Variants in CROCC observed in about 807,000 individuals in gnomAD.
CROCC encodes the protein rootletin.
In CROCC, 180 loss-of-function variants were observed where a neutral mutation model predicts 245.2. The observed-to-expected ratio is 0.73, with a 90% confidence interval of 0.65 to 0.83. The LOEUF (loss-of-function observed/expected upper bound fraction) is 0.83, where lower values mean the gene tolerates loss of function less well. CROCC is among the 40% of genes least tolerant of loss of function. CROCC has a pLI of 0.00. For synonymous variants in CROCC, 1,205 were observed against 1,241.6 expected (o/e 0.97, Z 0.62); for missense variants, 2,688 against 2,779.4 (o/e 0.97, Z 0.74).
In CROCC at chr1:16,969,438, G is replaced by A. The variant is rs552001939; in HGVS notation, c.5301+98G>A. 1.1e-5 allele frequency: 13 copies of A among 1,230,174 alleles called. No individual in the cohort carries two copies. In the African/African-American group the frequency reaches 2.0e-4, roughly 19 times the overall value. The allele number at this position is 1,230,174 out of a possible 1,614,324, so 76.2% of individuals were successfully genotyped here. Reference sequence around the variant, plus strand: ...GCCCTGGTAGAGAGCCAGCCAATGGGGCAGTCAGTTGGAGCCAATGAGAGC... The same window carrying A: ...GCCCTGGTAGAGAGCCAGCCAATGGAGCAGTCAGTTGGAGCCAATGAGAGC... On this transcript the variant is annotated intron_variant, in intron 32 of 36. Transcript: ENST00000375541.
chr1:16,948,948 G>C (rs1258394139), intron 19 of CROCC, 22 bp downstream of exon 19: 5 of 1,609,604 alleles, frequency 3.1e-6, no homozygotes, highest in South Asian at 1.1e-5. Flanking sequence ...TGGGGACTTG[G>C]GGGGAACACC....
chr1:16,957,412 A>G (rs2076265653), intron 25 of CROCC, among the ~76,000 whole-genome samples: 1 of 152,124 alleles, frequency 6.6e-6, no homozygotes, highest in Admixed American at 6.6e-5. Flanking sequence ...GACTCTAAAA[A>G]AAGTTTTTAA....
At chr1:16,939,377 C>A (rs2075870017) in intron 12 of CROCC, among the ~76,000 whole-genome samples, 1 of 152,334 alleles carries the variant, frequency 6.6e-6, no homozygotes, top group South Asian at 2.1e-4. Flanking sequence ...GGTGCTTGGG[C>A]AGCTGGGGGT....
intron 9 of CROCC, among the ~76,000 whole-genome samples, 180 bp downstream of exon 9, chr1:16,937,053 C>G (rs539734306): frequency 1.3e-5 from 2 of 152,408 alleles, no homozygotes; most frequent in East Asian, 1.9e-4. Context: ...AACAGCTTAG[C>G]CTCCTATGGC....
intron 26 of CROCC, among the ~76,000 whole-genome samples, chr1:16,959,138 T>A (rs2076291720): frequency 6.6e-6 from 1 of 152,220 alleles, no homozygotes; most frequent in Admixed American, 6.5e-5. Context: ...TTCTTCTGCC[T>A]CAGCCTCCCG....
At chr1:16,970,489 T>G in intron 34 of CROCC, 36 bp downstream of exon 34, 2 of 1,527,238 alleles carry the variant, frequency 1.3e-6, no homozygotes, top group Non-Finnish European at 1.8e-6. Context: ...TCACTTCCTC[T>G]GGGGCCTAAC....
At chr1:16,931,453 C>T (rs2075676310) in intron 8 of CROCC, 56 bp downstream of exon 8, 20 of 1,464,548 alleles carry the variant, frequency 1.4e-5, no homozygotes, top group Non-Finnish European at 1.9e-5. Flanking sequence ...CTCTTTATGT[C>T]CAACTGAACT....
intron 33 of CROCC, 84 bp from the exon 34 acceptor site, chr1:16,970,169 G>A (rs945286109): frequency 3.7e-5 from 51 of 1,378,920 alleles, no homozygotes; most frequent in Non-Finnish European, 4.5e-5. Flanking sequence ...TGCTCTGTGA[G>A]TGGGCCAGCC....
intron 17 of CROCC, 37 bp from the exon 18 acceptor site, chr1:16,948,294 C>A: frequency 2.0e-6 from 3 of 1,509,574 alleles, no homozygotes; most frequent in South Asian, 1.3e-5. Context: ...AGCTGGGGGA[C>A]GCTGGGAGTG....
rs965961852 is a variant in CROCC, at chr1:16,950,868, C to T, written c.2837-85C>T. ...AGGCCCTCTGCCTCTGGGATTTTGC[C>T]CATGTGGCTCACCTGGCCTAAGTCT... On this transcript the variant is annotated intron_variant, in intron 19 of 36. Transcript: ENST00000375541. 4 of 1,243,616 alleles carry T rather than the reference C, an allele frequency of 3.2e-6. No homozygotes were observed. The African/African-American group carries it at 6.1e-5, about 19-fold the overall frequency. 77.0% of individuals were successfully genotyped at this position (1,243,616 alleles called of 1,614,324 possible). A position where few individuals can be genotyped will look rare whatever the true frequency, so the allele number is the denominator to read the frequency against.
At chr1:16,915,119 G>T (rs563579852) in intron 1 of CROCC, among the ~76,000 whole-genome samples, 2 of 152,384 alleles carry the variant, frequency 1.3e-5, no homozygotes, top group South Asian at 4.1e-4. Context: ...AGTGGCCCCT[G>T]TGGGGGTCAC....
upstream of CROCC, among the ~76,000 whole-genome samples, chr1:16,920,394 T>C (rs1470195426): frequency 1.3e-5 from 2 of 152,242 alleles, no homozygotes; most frequent in African/African-American, 2.4e-5. Flanking sequence ...GGTTTCACTA[T>C]GTTGGCCAGG....
At position 16,960,865 on chromosome 1, in the gene CROCC, G is replaced by C; in HGVS notation, c.4140G>C (p.Gln1380His). 6.6e-6 allele frequency: 10 copies of C among 1,517,602 alleles called. No homozygotes were observed. The highest frequency in any genetic ancestry group is 7.9e-6 in the Non-Finnish European group (9 of 1,139,312). The allele number at this position is 1,517,602 out of a possible 1,614,324, so 94.0% of individuals were successfully genotyped here. A position where few individuals can be genotyped will look rare whatever the true frequency, so the allele number is the denominator to read the frequency against. ...LEEARGTEKQ[Q>H]LDHARGLELK... ...AGGCGCGTGGCACTGAAAAGCAGCA[G>C]CTGGACCACGCCCGCGGCCTGGAGC... The change falls in exon 27 of 37, where the codon CAG becomes CAC. Residue 1380 changes from glutamine (Q) to histidine (H), a missense_variant. Coordinates refer to ENST00000375541, the MANE Select transcript of CROCC (RefSeq NM_014675.5).
chr1:16,937,773 A>G (rs773191019), intron 10 of CROCC, 36 bp downstream of exon 10: 94 of 1,552,156 alleles, frequency 6.1e-5, no homozygotes, highest in Admixed American at 4.8e-4. Flanking sequence ...GGGCAGGGTG[A>G]GATGGGGTAC....
In CROCC at chr1:16,946,733, C is replaced by G. The variant is rs143466360; in HGVS notation, c.2284-28C>G. Reference sequence around the variant, plus strand: ...GGTCCTGGGAGGGACGCCCTGCTCACGAGGCCCCACTCCTACCTGGCCTCC... The same window carrying G: ...GGTCCTGGGAGGGACGCCCTGCTCAGGAGGCCCCACTCCTACCTGGCCTCC... On this transcript the variant is annotated intron_variant, in intron 16 of 36. Coordinates refer to ENST00000375541, the MANE Select transcript of CROCC (RefSeq NM_014675.5). 22 of 1,545,776 alleles carry G rather than the reference C, an allele frequency of 1.4e-5. No individual in the cohort carries two copies. The South Asian group carries it at 2.1e-4, about 15-fold the overall frequency.
At chr1:16,933,514 TTGTTTGA>T (rs1243000423) in intron 8 of CROCC, among the ~76,000 whole-genome samples, 3 of 152,278 alleles carry the variant, frequency 2.0e-5, no homozygotes, top group Non-Finnish European at 4.4e-5. Context: ...TCTTTACAAT[TTGTTTGA>T]ATCTCGATCC....
rs201476640 is a variant in CROCC at position 16,940,006 on chromosome 1, G to A, written c.1721G>A (p.Arg574Gln). 1.2e-4 allele frequency: 193 copies of A among 1,611,924 alleles called. 1 individual carries two copies. The highest frequency in any genetic ancestry group is 4.0e-4 in the East Asian group (18 of 44,884). Residue 574 changes from arginine to glutamine, a missense_variant, in exon 13 of 37, where the codon CGG becomes CAG. Transcript: ENST00000375541. ...RALEEQLQRLRDKTDGAMQAH... is the reference protein window; with the variant it reads ...RALEEQLQRLQDKTDGAMQAH... ...CTAGAGGAACAGCTGCAGCGCCTGC[G>A]GGACAAGACCGACGGCGCCATGCAG...
rs1445986080 is a variant in CROCC at position 16,954,762 on chromosome 1, T to C, written c.3350T>C (p.Leu1117Pro). ...RSTVNALTSE[L>P]RDLRAQREEA... ...ACCGTGAACGCTCTGACGTCTGAGC[T>C]GCGGGACCTACGGGCCCAGCGGGAG... Residue 1117 changes from leucine to proline, a missense_variant, in exon 23 of 37, where the codon CTG (leucine) becomes CCG (proline). By Grantham distance (98) the Leu-to-Pro change is moderately conservative. This residue lies in a region of CROCC where 1,218 missense variants were observed against 1,286.3 expected (regional missense o/e 0.95). Transcript: ENST00000375541. The surrounding 1 kb of genome is among the most constrained non-coding windows in gnomAD (Gnocchi z 4.4). 6.4e-7 allele frequency: 1 copy of C among 1,556,240 alleles called. No homozygotes were observed. The highest frequency in any genetic ancestry group is 1.2e-5 in the South Asian group (1 of 84,368).
Position 16,955,444 on chromosome 1 carries a change from G to A in CROCC, c.3598G>A (p.Glu1200Lys), listed in dbSNP as rs1344447140. 15 of 1,595,752 alleles carry A rather than the reference G, an allele frequency of 9.4e-6. No homozygotes were observed. Among genetic ancestry groups the A allele is most frequent in the Admixed American group, 8.7e-5 (5 of 57,778 alleles). Residue 1200 changes from glutamate (E) to lysine (K), a missense_variant, in exon 24 of 37, where the codon GAG (glutamate) becomes AAG (lysine). By Grantham distance (56) the Glu-to-Lys change is moderately conservative. This residue lies in a region of CROCC where 1,218 missense variants were observed against 1,286.3 expected (regional missense o/e 0.95). Coordinates refer to ENST00000375541, the MANE Select transcript of CROCC (RefSeq NM_014675.5). ...GREVQRQEAG[E>K]LRRSLGEGAK... The stretch of plus-strand genomic sequence containing the variant: ...GGAGGTGCAGCGCCAGGAGGCAGGC[G>A]AGCTGCGACGCAGCCTGGGCGAGGG...
Sources: allele counts gnomAD v4.1 joint callset (sites outside exome capture counted in the v4.1 genomes callset), GRCh38; gene constraint gnomAD v4.1.1; regional missense constraint gnomAD v4.1.1; non-coding constraint Gnocchi (gnomAD v3.1); transcripts MANE v1.5; gene names NCBI Gene and HGNC (gene_info 2026-07-23, HGNC 2026-07-21).